The following ERMP1 variants were observed in gnomAD, a reference collection of about 807,000 sequenced individuals.
ERMP1 encodes the protein endoplasmic reticulum metallopeptidase 1, also known as Felix-ina.
ERMP1 carries 86 observed loss-of-function variants against 92.0 expected under a neutral mutation model. That is an observed-to-expected ratio of 0.93 (90% confidence interval 0.79 to 1.12). ERMP1 has a LOEUF of 1.12. ERMP1 is among the 50% of genes most tolerant of loss of function. The pLI, the probability that ERMP1 is intolerant of heterozygous loss-of-function variation, is 0.00. For missense variants in ERMP1, 1,342 were observed against 1,116.3 expected, an observed-to-expected ratio of 1.20 and a Z score of -2.88; for synonymous variants, 530 against 412.8, an observed-to-expected ratio of 1.28 and a Z score of -3.44.
chr9:5,833,058 C>A lies in ERMP1; in HGVS notation c.-31G>T. The stretch of plus-strand genomic sequence containing the variant: ...CGAGCCTCAGCTGCCAGCCCAACCG[C>A]CCCAACCCGCGACAGCCCCGGCCGC... On this transcript the variant is annotated 5_prime_UTR_variant, in exon 1 of 15. Transcript: ENST00000339450. 3 of 1,429,922 alleles carry A rather than the reference C, an allele frequency of 2.1e-6. No homozygotes were observed. Among genetic ancestry groups the A allele is most frequent in the Non-Finnish European group, 1.8e-6 (2 of 1,101,872 alleles). The allele number at this position is 1,429,922 out of a possible 1,614,324, so 88.6% of individuals were successfully genotyped here. A position where few individuals can be genotyped will look rare whatever the true frequency, so the allele number is the denominator to read the frequency against.
At chr9:5,809,945 C>G in intron 8 of ERMP1, 66 bp downstream of exon 8, 1 of 1,136,842 alleles carries the variant, frequency 8.8e-7, no homozygotes, top group Non-Finnish European at 1.3e-6. Context: ...CAATGAATCA[C>G]ACTTAAGTTC....
At chr9:5,839,494 G>C (rs995698712) in intron 6 of ERMP1, among the ~76,000 whole-genome samples, 2 of 152,194 alleles carry the variant, frequency 1.3e-5, no homozygotes, top group African/African-American at 4.8e-5. Flanking sequence ...GTTTGGGAAT[G>C]AGAGTCACTG....
At chr9:5,841,256 T>C (rs1051152559) in intron 6 of ERMP1, among the ~76,000 whole-genome samples, 1 of 152,210 alleles carries the variant, frequency 6.6e-6, no homozygotes, top group Non-Finnish European at 1.5e-5. Flanking sequence ...TTGTTCACAA[T>C]ATGATTCAGC....
At chr9:5,824,098 A>C in intron 3 of ERMP1, 97 bp from the exon 4 acceptor site, 1 of 857,752 alleles carries the variant, frequency 1.2e-6, no homozygotes, top group Non-Finnish European at 1.8e-6. Flanking sequence ...TGATGAGGTA[A>C]GGAATATGAA....
rs1288808125 is a variant in ERMP1 at position 5,805,498 on chromosome 9, A to G, written c.1723+113T>C. ...AATTTGTGTGGTATGAAAACTTTTA[A>G]AAACTAACAATTTAGAAAGCCTACC... is the stretch of plus-strand genomic sequence containing the variant. On this transcript the variant is annotated intron_variant, in intron 9 of 14. Transcript: ENST00000339450. 6 of 959,252 alleles carry G rather than the reference A, an allele frequency of 6.3e-6. No homozygotes were observed. The African/African-American group carries it at 8.5e-5, about 14-fold the overall frequency. 59.4% of individuals were successfully genotyped at this position (959,252 alleles called of 1,614,324 possible). A position where few individuals can be genotyped will look rare whatever the true frequency, so the allele number is the denominator to read the frequency against.
chr9:5,795,125 A>G (rs1025058283), intron 13 of ERMP1, among the ~76,000 whole-genome samples: 5 of 152,216 alleles, frequency 3.3e-5, no homozygotes, highest in Non-Finnish European at 7.3e-5. Context: ...TATTACATCA[A>G]AAGGCTAAGA....
intron 13 of ERMP1, among the ~76,000 whole-genome samples, chr9:5,795,377 A>G (rs1016679750): frequency 6.6e-6 from 1 of 152,236 alleles, no homozygotes; most frequent in African/African-American, 2.4e-5. Context: ...AAATCAAACT[A>G]GAAGTCCCAG....
chr9:5,834,057 T>C (rs142007134), upstream of ERMP1, among the ~76,000 whole-genome samples: 3 of 152,308 alleles, frequency 2.0e-5, no homozygotes, highest in East Asian at 5.8e-4. Context: ...AGCACATATG[T>C]CAGATTTCAT....
At chr9:5,820,638 A>C (rs1050620491) in intron 4 of ERMP1, among the ~76,000 whole-genome samples, 87 of 152,328 alleles carry the variant, frequency 5.7e-4, no homozygotes, top group Non-Finnish European at 4.4e-5. Flanking sequence ...TCCCCAAATG[A>C]ATGTCGCTCT....
intron 6 of ERMP1, among the ~76,000 whole-genome samples, chr9:5,854,670 C>T (rs1286102212): frequency 2.6e-5 from 4 of 152,154 alleles, no homozygotes; most frequent in South Asian, 4.2e-4. Context: ...GGACTACAGG[C>T]GTGCGTCACC....
chr9:5,833,178 C>A (rs1830030037), upstream of ERMP1: 2 of 696,204 alleles, frequency 2.9e-6, no homozygotes, highest in East Asian at 6.8e-5. Context: ...CCCGCCGCGC[C>A]AAGACCCAGC....
chr9:5,816,722 G>A (rs769124554), intron 4 of ERMP1, among the ~76,000 whole-genome samples: 11 of 152,088 alleles, frequency 7.2e-5, no homozygotes, highest in African/African-American at 1.2e-4. Flanking sequence ...CAGCACCAAC[G>A]GAATGGATCA....
At chr9:5,842,083 G>A (rs1354720139) in intron 6 of ERMP1, among the ~76,000 whole-genome samples, 2 of 152,084 alleles carry the variant, frequency 1.3e-5, no homozygotes, top group Non-Finnish European at 2.9e-5. Context: ...CAAAGAGTGA[G>A]CAGCAGCAAG....
intron 1 of ERMP1, among the ~76,000 whole-genome samples, chr9:5,831,230 G>A (rs182811169): frequency 8.6e-5 from 13 of 152,046 alleles, no homozygotes; most frequent in African/African-American, 3.1e-4. Flanking sequence ...CCCACGAGTT[G>A]ACCCCTTCAG....
chr9:5,858,782 A>C (rs1201037590), intron 6 of ERMP1, among the ~76,000 whole-genome samples: 1 of 152,222 alleles, frequency 6.6e-6, no homozygotes, highest in Non-Finnish European at 1.5e-5. Context: ...ACACTCTCCC[A>C]GTTCAACGTC....
In ERMP1 at chr9:5,823,891, C is replaced by T; in HGVS notation, c.874+5G>A. The T allele has an allele frequency of 6.3e-7, 1 of 1,587,272 alleles. No homozygotes were observed. Among genetic ancestry groups the T allele is most frequent in the East Asian group, 2.2e-5 (1 of 44,770 alleles). ...TTAAAATATACAACGCACAATCTCA[C>T]ATACCTGTTTGGAATACAAGTTCTT... On this transcript the variant is annotated splice_donor_5th_base_variant and intron_variant, in intron 4 of 14. Transcript: ENST00000339450.
intron 5 of ERMP1, among the ~76,000 whole-genome samples, chr9:5,860,226 G>T (rs1311281947): frequency 6.6e-6 from 1 of 151,408 alleles, no homozygotes; most frequent in Non-Finnish European, 1.5e-5. Flanking sequence ...GATTGCTTGA[G>T]CCCAGGAAAT....
At chr9:5,816,586 A>G (rs1829314762) in intron 4 of ERMP1, among the ~76,000 whole-genome samples, 1 of 152,194 alleles carries the variant, frequency 6.6e-6, no homozygotes, top group African/African-American at 2.4e-5. Flanking sequence ...AAAGCTGAAC[A>G]TATACACATC....
intron 1 of ERMP1, among the ~76,000 whole-genome samples, chr9:5,831,365 G>A (rs1017297869): frequency 6.6e-6 from 1 of 152,160 alleles, no homozygotes; most frequent in Admixed American, 6.5e-5. Context: ...CAGGACTTTC[G>A]GAGGCTGAGG....
Sources: gnomAD v4.1 joint callset for allele counts (sites outside exome capture counted in the v4.1 genomes callset) on GRCh38, gnomAD v4.1.1 for gene constraint, MANE v1.5 for transcripts, NCBI Gene and HGNC (gene_info 2026-07-23, HGNC 2026-07-21) for gene names.